MELK: variants seen among roughly 807,000 people sequenced by gnomAD.
MELK encodes the protein pEg3 kinase.
Under a neutral mutation model 85.0 loss-of-function variants are expected in MELK, and 81 were observed. The ratio of observed to expected loss-of-function variants is 0.95; its 90% confidence interval spans 0.80 to 1.15. The LOEUF (loss-of-function observed/expected upper bound fraction) is 1.15. Ranked by LOEUF, MELK falls within the 50% of genes most tolerant of loss-of-function variation. The pLI is 0.00. For missense variants in MELK, 754 were observed against 777.5 expected, an observed-to-expected ratio of 0.97 and a Z score of 0.36; for synonymous variants, 252 against 265.0, an observed-to-expected ratio of 0.95 and a Z score of 0.48.
chr9:36,618,975 T>C (rs934066455), intron 8 of MELK, among the ~76,000 whole-genome samples: 3 of 151,940 alleles, frequency 2.0e-5, no homozygotes, highest in African/African-American at 7.2e-5. Context: ...TTTTTTTTTT[T>C]TGAGACGGAG....
intron 10 of MELK, among the ~76,000 whole-genome samples, chr9:36,640,831 A>G (rs192269258): frequency 5.9e-5 from 9 of 152,240 alleles, no homozygotes; most frequent in Admixed American, 3.9e-4. Flanking sequence ...CAAAGACCCA[A>G]CCTCCTAATA....
intron 8 of MELK, among the ~76,000 whole-genome samples, chr9:36,627,055 C>CAT (rs750950224): frequency 1.1e-5 from 1 of 88,948 alleles, no homozygotes; most frequent in African/African-American, 4.3e-5. Flanking sequence ...CAAGCGCAAA[C>CAT]ACACACACAC....
At chr9:36,628,385 G>A (rs768501322) in intron 8 of MELK, among the ~76,000 whole-genome samples, 12 of 152,006 alleles carry the variant, frequency 7.9e-5, no homozygotes, top group Non-Finnish European at 1.8e-4. Context: ...GTGACCTTTG[G>A]AAAAGGCTTT....
In MELK at chr9:36,668,826, C is replaced by T. The variant is rs564852906; in HGVS notation, c.1409-484C>T. Among the ~76,000 whole-genome samples, 18 of 152,258 alleles carry T rather than the reference C, an allele frequency of 1.2e-4. No individual in the cohort carries two copies. In the East Asian group the frequency reaches 3.5e-3, roughly 29 times the overall value. ...CTGTGCCTGGCCAAAGCTTACATCT[C>T]TTTAATAACTTATGTCAAGCTTTCA... On this transcript the variant is annotated intron_variant, in intron 14 of 17. Transcript: ENST00000298048.
chr9:36,617,417 C>G (rs1454883369), intron 8 of MELK, among the ~76,000 whole-genome samples: 1 of 151,884 alleles, frequency 6.6e-6, no homozygotes, highest in Admixed American at 6.6e-5. Context: ...ATTGCAACCT[C>G]AATTTCCTGG....
intron 11 of MELK, among the ~76,000 whole-genome samples, chr9:36,645,038 G>A (rs1830100640): frequency 6.6e-6 from 1 of 152,034 alleles, no homozygotes; most frequent in African/African-American, 2.4e-5. Flanking sequence ...GGAGTCCGAG[G>A]CGGGCGGATC....
chr9:36,638,399 C>T (rs1829415449), intron 10 of MELK, among the ~76,000 whole-genome samples: 1 of 152,068 alleles, frequency 6.6e-6, no homozygotes, highest in Non-Finnish European at 1.5e-5. Flanking sequence ...GATTTTCCTG[C>T]CTTAGCCTTC....
intron 15 of MELK, 99 bp downstream of exon 15, chr9:36,669,505 G>A (rs910204572): frequency 3.6e-6 from 3 of 837,684 alleles, no homozygotes; most frequent in Non-Finnish European, 3.6e-6. Flanking sequence ...TCATCACATA[G>A]ATTCTGTTGG....
At chr9:36,596,065 C>T (rs1824196927) in intron 5 of MELK, among the ~76,000 whole-genome samples, 1 of 152,150 alleles carries the variant, frequency 6.6e-6, no homozygotes. Context: ...ATGCGCCTGC[C>T]TTGGCCTTCC....
rs1351029092 is a variant in MELK, at chr9:36,596,566, TTTTTTGTTTTTTTTGTTTTTTTTG to T, written c.406-650_406-627del. 1.4e-3 allele frequency among the ~76,000 whole-genome samples: 148 copies of T among 105,740 alleles called. 8 individuals are homozygous for T. Among genetic ancestry groups the T allele is most frequent in the African/African-American group, 8.4e-3 (136 of 16,114 alleles). 69.4% of individuals were successfully genotyped at this position (105,740 alleles called of 152,430 possible). ...GCCACTGCGCCCGGCCCTTTTTGTT[TTTTTTGTTTTTTTTGTTTTTTTTG>T]TTTTTTTTTTTTTGAGATGGAGTTT... is the stretch of plus-strand genomic sequence containing the variant. On this transcript the variant is annotated intron_variant, in intron 5 of 17. Transcript: ENST00000298048.
At position 36,651,838 on chromosome 9, in the gene MELK, C is replaced by T; in HGVS notation, c.1014C>T (p.Ser338=). 6.2e-7 allele frequency: 1 copy of T among 1,613,970 alleles called. No individual in the cohort carries two copies. The part of the protein sequence containing the change: ...KPVRLRLSSF[S]CGQASATPFT... ...TTCGTTTAAGGCTTTCTTCTTTCTC[C>T]TGTGGACAAGCCAGTGCTACCCCAT... Residue 338 remains serine, a synonymous_variant, in exon 12 of 18, where the codon TCC becomes TCT. Transcript: ENST00000298048.
At chr9:36,636,497 C>T (rs930945865) in intron 10 of MELK, among the ~76,000 whole-genome samples, 8 of 151,766 alleles carry the variant, frequency 5.3e-5, no homozygotes, top group African/African-American at 1.2e-4. Flanking sequence ...AGCGAAACTC[C>T]GCCTCAAAAA....
chr9:36,626,469 T>C (rs1213876159), intron 8 of MELK, among the ~76,000 whole-genome samples: 1 of 152,160 alleles, frequency 6.6e-6, no homozygotes, highest in Non-Finnish European at 1.5e-5. Flanking sequence ...TAAAAGAAGT[T>C]AGTCACTTAC....
intron 8 of MELK, 97 bp from the exon 9 acceptor site, chr9:36,630,202 C>A: frequency 1.1e-6 from 1 of 917,414 alleles, no homozygotes; most frequent in Non-Finnish European, 1.8e-6. Flanking sequence ...TGGGTGAAGT[C>A]TTCAAGCTTA....
intron 8 of MELK, among the ~76,000 whole-genome samples, chr9:36,620,551 T>C: frequency 8.3e-6 from 1 of 119,934 alleles, no homozygotes; most frequent in African/African-American, 5.9e-5. Flanking sequence ...TCTCTTCCTT[T>C]TTTTTTTTTT....
chr9:36,604,445 C>T (rs1316087253), intron 7 of MELK, among the ~76,000 whole-genome samples: 1 of 151,530 alleles, frequency 6.6e-6, no homozygotes, highest in East Asian at 1.9e-4. Flanking sequence ...ATTACAGGCA[C>T]ATGCCACCAT....
At chr9:36,616,546 C>T (rs1319737600) in intron 8 of MELK, among the ~76,000 whole-genome samples, 3 of 151,966 alleles carry the variant, frequency 2.0e-5, no homozygotes, top group Middle Eastern at 3.4e-3. Flanking sequence ...CCCACCACCG[C>T]GCCTAGCTAA....
At chr9:36,580,811 C>G (rs560679624) in intron 1 of MELK, among the ~76,000 whole-genome samples, 16 of 151,694 alleles carry the variant, frequency 1.1e-4, no homozygotes, top group African/African-American at 3.6e-4. Flanking sequence ...TCACTGCAAC[C>G]TCCACCTCCC....
intron 6 of MELK, among the ~76,000 whole-genome samples, chr9:36,598,156 T>C (rs980085902): frequency 5.9e-5 from 9 of 152,186 alleles, no homozygotes; most frequent in Non-Finnish European, 1.0e-4. Context: ...AGTGGAACCT[T>C]TTTTCTGGGA....
Sources: gnomAD v4.1 joint callset for allele counts (sites outside exome capture counted in the v4.1 genomes callset) on GRCh38, gnomAD v4.1.1 for gene constraint, MANE v1.5 for transcripts, NCBI Gene and HGNC (gene_info 2026-07-23, HGNC 2026-07-21) for gene names.